Variants in TSNARE1 observed in about 807,000 individuals in gnomAD.
TSNARE1 encodes the protein t-SNARE domain-containing protein 1.
In TSNARE1, 49 loss-of-function variants were observed where a neutral mutation model predicts 62.0. That is an observed-to-expected ratio of 0.79 (90% confidence interval 0.63 to 1.00). The LOEUF is 1.00. Among genes scored for constraint, TSNARE1 ranks in the 50% least tolerant of loss-of-function variants. TSNARE1 has a pLI of 0.00. For missense variants in TSNARE1, 755 were observed against 700.1 expected (o/e 1.08, Z -0.88); for synonymous variants, 328 against 294.4 (o/e 1.11, Z -1.17).
At chr8:142,376,082 C>A (rs1386682568) in intron 1 of TSNARE1, among the ~76,000 whole-genome samples, 1 of 152,352 alleles carries the variant, frequency 6.6e-6, no homozygotes, top group East Asian at 1.9e-4. Flanking sequence ...CTGCAGACTG[C>A]AGAGTCCGCG....
chr8:142,373,130 G>A (rs993940245), intron 1 of TSNARE1, among the ~76,000 whole-genome samples: 1 of 152,216 alleles, frequency 6.6e-6, no homozygotes, highest in Admixed American at 6.5e-5. Context: ...CTCTGTCTCT[G>A]GGTGTCATGA....
chr8:142,319,488 C>G lies in TSNARE1; in HGVS notation c.894-854G>C, dbSNP rs1829143177. Among the ~76,000 whole-genome samples the G allele has an allele frequency of 6.6e-6, 1 of 152,114 alleles. No homozygotes were observed. Among genetic ancestry groups the G allele is most frequent in the African/African-American group, 2.4e-5 (1 of 41,430 alleles). On this transcript the variant is annotated intron_variant, in intron 6 of 13. Transcript: ENST00000524325. This position sits in a 1 kb window ranked among gnomAD's most constrained non-coding sequence, Gnocchi z 4.9. ...CCGCTTGGGGTTCGCCACCCCCATC[C>G]CTGGAGAGAGGAGCACCAGGGCAAC... is the stretch of plus-strand genomic sequence containing the variant.
intron 4 of TSNARE1, among the ~76,000 whole-genome samples, chr8:142,335,708 A>G (rs1831665636): frequency 1.3e-5 from 2 of 152,262 alleles, no homozygotes; most frequent in Non-Finnish European, 2.9e-5. Context: ...CTTACACTTA[A>G]TGATGCATGA....
intron 12 of TSNARE1, chr8:142,270,356 C>T (rs982047055): frequency 2.3e-5 from 23 of 985,280 alleles, no homozygotes; most frequent in African/African-American, 5.2e-5. Flanking sequence ...CTCACGTGCT[C>T]GTCAGCAGCC....
intron 12 of TSNARE1, among the ~76,000 whole-genome samples, chr8:142,259,072 G>A (rs1405124823): frequency 2.0e-5 from 3 of 152,192 alleles, no homozygotes; most frequent in African/African-American, 7.2e-5. Context: ...GCGTGGCACA[G>A]CCCACCTTGA....
At chr8:142,307,108 G>C (rs368073761) in intron 9 of TSNARE1, among the ~76,000 whole-genome samples, 10 of 152,080 alleles carry the variant, frequency 6.6e-5, no homozygotes, top group African/African-American at 2.4e-4. Flanking sequence ...TATGTCCGAG[G>C]CATCACTGGT....
intron 10 of TSNARE1, among the ~76,000 whole-genome samples, chr8:142,299,679 A>G (rs1190594199): frequency 6.6e-6 from 1 of 151,732 alleles, no homozygotes; most frequent in African/African-American, 2.4e-5. Flanking sequence ...ACGCACTCAC[A>G]TGCATCACAC....
At chr8:142,374,944 C>T (rs925375595) in intron 1 of TSNARE1, among the ~76,000 whole-genome samples, 1 of 152,176 alleles carries the variant, frequency 6.6e-6, no homozygotes, top group South Asian at 2.1e-4. Flanking sequence ...GCCAGGGACC[C>T]GGCGCCAGGC....
intron 4 of TSNARE1, among the ~76,000 whole-genome samples, chr8:142,342,072 A>T (rs1429847720): frequency 1.3e-5 from 2 of 152,242 alleles, no homozygotes; most frequent in East Asian, 3.8e-4. Context: ...CTGTCCTCGG[A>T]CACAGCAAAG....
intron 4 of TSNARE1, among the ~76,000 whole-genome samples, chr8:142,342,740 G>C (rs895727390): frequency 6.7e-6 from 1 of 149,812 alleles, no homozygotes; most frequent in Non-Finnish European, 1.5e-5. Flanking sequence ...CCCTGCACCT[G>C]TCCAGGCAAC....
At chr8:142,270,929 C>T (rs768101684) in intron 12 of TSNARE1, 15 of 985,442 alleles carry the variant, frequency 1.5e-5, no homozygotes, top group Admixed American at 6.1e-5. Flanking sequence ...CACAGGTAGA[C>T]AGCCCACATC....
intron 1 of TSNARE1, among the ~76,000 whole-genome samples, chr8:142,381,033 G>A (rs941522232): frequency 1.3e-5 from 2 of 152,210 alleles, no homozygotes; most frequent in African/African-American, 4.8e-5. Context: ...CTCAGTCCCA[G>A]CACTGCAGAC....
Position 142,320,073 on chromosome 8 carries a change from T to A in TSNARE1, c.894-1439A>T, listed in dbSNP as rs576521282. Among the ~76,000 whole-genome samples, 9 of 152,026 alleles carry A rather than the reference T, an allele frequency of 5.9e-5. No individual in the cohort carries two copies. In the East Asian group the frequency reaches 1.8e-3, roughly 30 times the overall value. Reference sequence around the variant, plus strand: ...ACCCCCGCTCCCACCAGTCCCCTCCTCACCCTGGGCTGCCACGCAGCCTCC... The same window carrying A: ...ACCCCCGCTCCCACCAGTCCCCTCCACACCCTGGGCTGCCACGCAGCCTCC... On this transcript the variant is annotated intron_variant, in intron 6 of 13. Transcript: ENST00000524325.
intron 6 of TSNARE1, among the ~76,000 whole-genome samples, chr8:142,322,858 T>A (rs1829674988): frequency 1.3e-5 from 2 of 151,308 alleles, no homozygotes; most frequent in African/African-American, 4.9e-5. Context: ...CCTGGCCGTG[T>A]CTGTGGGCTG....
At chr8:142,220,466 C>T (rs1336906944) in intron 13 of TSNARE1, among the ~76,000 whole-genome samples, 1 of 152,148 alleles carries the variant, frequency 6.6e-6, no homozygotes, top group Non-Finnish European at 1.5e-5. Context: ...ATGGAGAAGC[C>T]TCTAGAGAGC....
chr8:142,333,841 G>T (rs1452489461), intron 4 of TSNARE1, among the ~76,000 whole-genome samples: 3 of 152,242 alleles, frequency 2.0e-5, no homozygotes, highest in South Asian at 2.1e-4. Context: ...GAACTGCCAG[G>T]CGGCCTCCAG....
At chr8:142,375,920 AG>A in intron 1 of TSNARE1, among the ~76,000 whole-genome samples, 1 of 152,168 alleles carries the variant, frequency 6.6e-6, no homozygotes, top group South Asian at 2.1e-4. Context: ...AGAGAGGAAG[AG>A]GGTGGGCAAA....
chr8:142,240,442 C>T (rs1817626346), intron 12 of TSNARE1, among the ~76,000 whole-genome samples: 1 of 152,124 alleles, frequency 6.6e-6, no homozygotes, highest in Non-Finnish European at 1.5e-5. Context: ...ATAGGTCACA[C>T]AGACCAAAAA....
chr8:142,357,305 G>A lies in TSNARE1; in HGVS notation c.-39-2542C>T, dbSNP rs542701946. On this transcript the variant is annotated intron_variant, in intron 1 of 13. Transcript: ENST00000524325. ...ACAGGCTTTCAGAGAACTCGGGGAG[G>A]GGCACTCAAACCCCAGGTGGGGAGG... Among the ~76,000 whole-genome samples, 5 of 152,352 alleles carry A rather than the reference G, an allele frequency of 3.3e-5. No homozygotes were observed. In the East Asian group the frequency reaches 9.7e-4, roughly 29 times the overall value.
Sources: gnomAD v4.1 joint callset for allele counts (sites outside exome capture counted in the v4.1 genomes callset) on GRCh38, gnomAD v4.1.1 for gene constraint, Gnocchi (gnomAD v3.1) non-coding constraint, MANE v1.5 for transcripts, NCBI Gene and HGNC (gene_info 2026-07-23, HGNC 2026-07-21) for gene names.